Variants in TBC1D10B observed in about 807,000 individuals in gnomAD.
TBC1D10B encodes the protein TBC1 domain family member 10B.
Under a neutral mutation model 78.4 loss-of-function variants are expected in TBC1D10B, and 25 were observed. The observed-to-expected ratio is 0.32, with a 90% CI of 0.23 to 0.45. The LOEUF (loss-of-function observed/expected upper bound fraction) is 0.45. Among genes scored for constraint, TBC1D10B ranks in the 20% least tolerant of loss-of-function variants. The pLI is 1.00. For synonymous variants in TBC1D10B, 517 were observed against 478.0 expected (o/e 1.08, Z -1.06); for missense variants, 996 against 1,104.8 (o/e 0.90, Z 1.40).
At chr16:30,364,751 T>G in intron 4 of TBC1D10B, 149 bp downstream of exon 4, 1 of 684,270 alleles carries the variant, frequency 1.5e-6, no homozygotes, top group Non-Finnish European at 2.4e-6. Flanking sequence ...TCCTTTGACA[T>G]GGCTTGACAC....
At chr16:30,363,113 G>C (rs1322365073) in intron 4 of TBC1D10B, among the ~76,000 whole-genome samples, 1 of 152,136 alleles carries the variant, frequency 6.6e-6, no homozygotes, top group African/African-American at 2.4e-5. Flanking sequence ...TACCCCATCT[G>C]TATTAGTAAA....
At chr16:30,359,701 T>TCCCGGC in intron 5 of TBC1D10B, 26 bp downstream of exon 5, 3 of 1,557,814 alleles carry the variant, frequency 1.9e-6, no homozygotes, top group Non-Finnish European at 2.6e-6. Flanking sequence ...CCCCTGCCCC[T>TCCCGGC]CCCGGCCCAG....
At position 30,359,299 on chromosome 16, in the gene TBC1D10B, C is replaced by G. The variant is rs202152271; in HGVS notation, c.1515G>C (p.Ala505=). 6.2e-7 allele frequency: 1 copy of G among 1,603,928 alleles called. No homozygotes were observed. The highest frequency in any genetic ancestry group is 8.5e-7 in the Non-Finnish European group (1 of 1,175,380). The stretch of plus-strand genomic sequence containing the variant: ...TGCGCTGCCGCCGCAGGTGGCGATG[C>G]GCCAGCGGGGAGGCCCGGCGCAGGA... ...FALLRRASPL[A]HRHLRRQRID... is the part of the protein sequence containing the mutation. The change falls in exon 7 of 9, where the codon GCG becomes GCC. Residue 505 remains alanine (A), a synonymous_variant. Coordinates refer to ENST00000409939, the MANE Select transcript of TBC1D10B (RefSeq NM_015527.4).
chr16:30,362,210 C>A (rs1480787719), intron 4 of TBC1D10B, among the ~76,000 whole-genome samples: 1 of 152,058 alleles, frequency 6.6e-6, no homozygotes, highest in Non-Finnish European at 1.5e-5. Context: ...GTCTTGAACT[C>A]CTGACCTCAG....
Position 30,359,717 on chromosome 16 carries a change from G to A in TBC1D10B, c.1386+10C>T. The A allele has an allele frequency of 6.4e-7, 1 of 1,568,288 alleles. No individual in the cohort carries two copies. The highest frequency in any genetic ancestry group is 8.6e-7 in the Non-Finnish European group (1 of 1,156,448). Reference sequence around the variant, plus strand: ...CCCTGCCCCTCCCGGCCCAGGACCAGGGCGCTGACCTCCGCAGGCATGTGC... The same window carrying A: ...CCCTGCCCCTCCCGGCCCAGGACCAAGGCGCTGACCTCCGCAGGCATGTGC... On this transcript the variant is annotated intron_variant, in intron 5 of 8. Transcript: ENST00000409939.
chr16:30,364,696 G>A (rs1031516480), intron 4 of TBC1D10B, among the ~76,000 whole-genome samples: 2 of 151,658 alleles, frequency 1.3e-5, no homozygotes, highest in Admixed American at 6.6e-5. Flanking sequence ...AGCCCATGAC[G>A]TGCCCCCACA....
intron 4 of TBC1D10B, among the ~76,000 whole-genome samples, chr16:30,362,788 A>T (rs1168742716): frequency 6.6e-6 from 1 of 152,210 alleles, no homozygotes; most frequent in Non-Finnish European, 1.5e-5. Flanking sequence ...CTGTAATCCC[A>T]GCACTTTGGA....
rs576135913 is a variant in TBC1D10B, at chr16:30,358,079, C to G, written c.2292G>C (p.Glu764Asp). 6 of 1,551,376 alleles carry G rather than the reference C, an allele frequency of 3.9e-6. No homozygotes were observed. Among genetic ancestry groups the G allele is most frequent in the Middle Eastern group, 3.3e-4 (2 of 5,996 alleles). The part of the protein sequence containing the change: ...EKQEKEREKQ[E>D]KERQKQEKKA... ...TCTTCTCCTGCTTCTGCCGCTCCTT[C>G]TCCTGCTTCTCTCGCTCCTTTTCCT... The change falls in exon 9 of 9, where the codon GAG (glutamate) becomes GAC (aspartate). Residue 764 changes from glutamate to aspartate, a missense_variant. By Grantham distance (45) the Glu-to-Asp change is conservative. Coordinates refer to ENST00000409939, the MANE Select transcript of TBC1D10B (RefSeq NM_015527.4).
At chr16:30,362,178 T>C (rs1449392104) in intron 4 of TBC1D10B, among the ~76,000 whole-genome samples, 14 of 151,178 alleles carry the variant, frequency 9.3e-5, no homozygotes, top group Admixed American at 8.5e-4. Context: ...AGAGACGGGG[T>C]TTCACCATGT....
intron 4 of TBC1D10B, among the ~76,000 whole-genome samples, chr16:30,363,862 C>T (rs988209086): frequency 3.9e-5 from 6 of 152,208 alleles, no homozygotes; most frequent in South Asian, 2.1e-4. Flanking sequence ...ACGCCTATAA[C>T]GCTAGCACTT....
rs2049565407 is a variant in TBC1D10B at position 30,357,942 on chromosome 16, G to A, written c.*2C>T. On this transcript the variant is annotated 3_prime_UTR_variant, in exon 9 of 9. Transcript: ENST00000409939. ...CCATGCAGTCCAGCCCCAGGGCAGA[G>A]GTCAGAAGTAAGCGTCCTGCCGGGC... is the stretch of plus-strand genomic sequence containing the variant. 5.8e-6 allele frequency: 9 copies of A among 1,549,674 alleles called. No individual in the cohort carries two copies. The highest frequency in any genetic ancestry group is 2.4e-5 in the East Asian group (1 of 40,914).
chr16:30,359,739 G>A lies in TBC1D10B; in HGVS notation c.1374C>T (p.His458=). The A allele has an allele frequency of 6.3e-7, 1 of 1,584,688 alleles. No homozygotes were observed. Among genetic ancestry groups the A allele is most frequent in the Non-Finnish European group, 8.6e-7 (1 of 1,165,460 alleles). Residue 458 remains histidine, a synonymous_variant, in exon 5 of 9, where the codon CAC becomes CAT. Coordinates refer to ENST00000409939, the MANE Select transcript of TBC1D10B (RefSeq NM_015527.4). The part of the protein sequence containing the change: ...QAPVAAVLLM[H]MPAEQAFWCL... ...CCAGGGCGCTGACCTCCGCAGGCAT[G>A]TGCATGAGCAGGACCGCAGCCACGG...
intron 4 of TBC1D10B, among the ~76,000 whole-genome samples, chr16:30,363,779 C>G (rs1442774265): frequency 6.6e-6 from 1 of 152,062 alleles, no homozygotes; most frequent in Non-Finnish European, 1.5e-5. Context: ...TGGTAGATAG[C>G]AGATGCTCAA....
Position 30,358,109 on chromosome 16 carries a change from C to G in TBC1D10B, c.2262G>C (p.Glu754Asp). The change falls in exon 9 of 9, where the codon GAG becomes GAC. Residue 754 changes from glutamate to aspartate, a missense_variant. This residue lies in a region of TBC1D10B where 285 missense variants were observed against 252.5 expected (regional missense o/e 1.13). Transcript: ENST00000409939. ...GCTTCTCTCGCTCCTTTTCCTGCTTCTCTCGCTCTTTCTCCTGCTTCTGCC... is the reference window on the plus strand; with the variant it reads ...GCTTCTCTCGCTCCTTTTCCTGCTTGTCTCGCTCTTTCTCCTGCTTCTGCC... Reference protein sequence around the residue: ...KERQKQEKEREKQEKEREKQE... With the variant: ...KERQKQEKERDKQEKEREKQE... 6.4e-7 allele frequency: 1 copy of G among 1,551,592 alleles called. No individual in the cohort carries two copies. The highest frequency in any genetic ancestry group is 1.2e-5 in the South Asian group (1 of 83,986).
At chr16:30,359,442 G>A (rs2151100743) in intron 6 of TBC1D10B, 81 bp from the exon 7 acceptor site, 1 of 1,545,924 alleles carries the variant, frequency 6.5e-7, no homozygotes, top group African/African-American at 1.4e-5. Flanking sequence ...CCTGTGGGCA[G>A]AAGCCGGGAA....
rs1001619879 is a variant in TBC1D10B at position 30,370,491 on chromosome 16, T to C, written c.-308A>G. ...CCGCAGAGCCGGCTCCGCGCCAGCGTCTCGGCGTTCCACGCCTGCGCGCGG... is the reference window on the plus strand; with the variant it reads ...CCGCAGAGCCGGCTCCGCGCCAGCGCCTCGGCGTTCCACGCCTGCGCGCGG... On this transcript the variant is annotated 5_prime_UTR_variant, in exon 1 of 9. Coordinates refer to ENST00000409939, the MANE Select transcript of TBC1D10B (RefSeq NM_015527.4). Among the ~76,000 whole-genome samples, 5 of 152,076 alleles carry C rather than the reference T, an allele frequency of 3.3e-5. No individual in the cohort carries two copies. Among genetic ancestry groups the C allele is most frequent in the African/African-American group, 7.2e-5 (3 of 41,440 alleles).
In TBC1D10B at chr16:30,369,631, C is replaced by T. The variant is rs1429583723; in HGVS notation, c.553G>A (p.Ala185Thr). The T allele has an allele frequency of 6.5e-7, 1 of 1,529,980 alleles. No homozygotes were observed. The highest frequency in any genetic ancestry group is 8.8e-7 in the Non-Finnish European group (1 of 1,135,970). 94.8% of individuals were successfully genotyped at this position (1,529,980 alleles called of 1,614,324 possible). A position where few individuals can be genotyped will look rare whatever the true frequency, so the allele number is the denominator to read the frequency against. ...PGTTVASGVT[A>T]RSASGQVTGG... ...GTCACTTGTCCTGATGCACTCCGTGCAGTCACTCCTGAGGCCACTGTGGTT... is the reference window on the plus strand; with the variant it reads ...GTCACTTGTCCTGATGCACTCCGTGTAGTCACTCCTGAGGCCACTGTGGTT... Residue 185 changes from alanine to threonine, a missense_variant, in exon 1 of 9, where the codon GCA becomes ACA. Physicochemically the swap from Ala to Thr is moderately conservative, Grantham distance 58. Transcript: ENST00000409939. This position sits in a 1 kb window ranked among gnomAD's most constrained non-coding sequence, Gnocchi z 4.3.
chr16:30,369,765 G>C lies in TBC1D10B; in HGVS notation c.419C>G (p.Pro140Arg). 2.8e-6 allele frequency: 4 copies of C among 1,449,270 alleles called. No individual in the cohort carries two copies. Among genetic ancestry groups the C allele is most frequent in the Non-Finnish European group, 3.6e-6 (4 of 1,098,448 alleles). The allele number at this position is 1,449,270 out of a possible 1,614,324, so 89.8% of individuals were successfully genotyped here. A position where few individuals can be genotyped will look rare whatever the true frequency, so the allele number is the denominator to read the frequency against. The change falls in exon 1 of 9, where the codon CCC (proline) becomes CGC (arginine). Residue 140 changes from proline (P) to arginine (R), a missense_variant. By Grantham distance (103) the Pro-to-Arg change is moderately radical. Around this residue, in one of 5 missense-constraint regions of TBC1D10B, gnomAD observed 448 missense variants for 442.1 expected, o/e 1.01. Coordinates refer to ENST00000409939, the MANE Select transcript of TBC1D10B (RefSeq NM_015527.4). This position sits in a 1 kb window ranked among gnomAD's most constrained non-coding sequence, Gnocchi z 4.3. Reference protein sequence around the residue: ...ADSPKTEEARPSPAPGPGTPT... With the variant: ...ADSPKTEEARRSPAPGPGTPT... ...GGTCCCTGGTCCTGGGGCGGGTGAG[G>C]GTCGAGCCTCCTCTGTCTTCGGCGA...
intron 4 of TBC1D10B, among the ~76,000 whole-genome samples, chr16:30,364,383 G>A (rs1297532434): frequency 6.6e-6 from 1 of 151,974 alleles, no homozygotes; most frequent in African/African-American, 2.4e-5. Flanking sequence ...AGAGGTTGCA[G>A]TGGGCTGAGA....
Sources: allele counts gnomAD v4.1 joint callset (sites outside exome capture counted in the v4.1 genomes callset), GRCh38; gene constraint gnomAD v4.1.1; regional missense constraint gnomAD v4.1.1; non-coding constraint Gnocchi (gnomAD v3.1); transcripts MANE v1.5; gene names NCBI Gene and HGNC (gene_info 2026-07-23, HGNC 2026-07-21).